FBXO22: variants seen among roughly 807,000 people sequenced by gnomAD.
The protein encoded by FBXO22 is F-box only protein 22.
Under a neutral mutation model 37.2 loss-of-function variants are expected in FBXO22, and 13 were observed. The ratio of observed to expected loss-of-function variants is 0.35; its 90% CI spans 0.23 to 0.56. FBXO22 has a LOEUF of 0.56. Ranked by LOEUF, FBXO22 falls within the 20% of genes least tolerant of loss-of-function variation. The pLI is 0.87. For synonymous variants in FBXO22, 189 were observed against 189.1 expected, an observed-to-expected ratio of 1.00 and a Z score of 0.00; for missense variants, 446 against 509.9, an observed-to-expected ratio of 0.87 and a Z score of 1.21.
chr15:75,913,328 T>A (rs1900110253), intron 3 of FBXO22, 38 bp downstream of exon 3: 1 of 1,393,320 alleles, frequency 7.2e-7, no homozygotes, highest in South Asian at 1.2e-5. Context: ...TCTGTTTTTT[T>A]ATCATGTGCC....
At chr15:75,911,210 T>G (rs148602140) in intron 2 of FBXO22, among the ~76,000 whole-genome samples, 79 of 152,344 alleles carry the variant, frequency 5.2e-4, no homozygotes, top group Admixed American at 8.5e-4. Context: ...TGCCTCCAGC[T>G]TTTTTCTTTT....
intron 6 of FBXO22, 127 bp from the exon 7 acceptor site, chr15:75,932,558 T>A: frequency 1.2e-6 from 1 of 835,042 alleles, no homozygotes; most frequent in Non-Finnish European, 1.9e-6. Flanking sequence ...CCTATGAGGG[T>A]GAGCCTCAGA....
In FBXO22 at chr15:75,904,087, T is replaced by C. The variant is rs1462478252; in HGVS notation, c.124T>C (p.Leu42=). 3 of 1,545,810 alleles carry C rather than the reference T, an allele frequency of 1.9e-6. No homozygotes were observed. Among genetic ancestry groups the C allele is most frequent in the Non-Finnish European group, 2.6e-6 (3 of 1,143,456 alleles). Residue 42 remains leucine, a synonymous_variant, in exon 1 of 7, where the codon TTG becomes CTG. Transcript: ENST00000308275. ...GCTCACCTTCCTGCCCGCCAAGGCG[T>C]TGCTGCGGGTGGCCTGGTGAGGAGA... is the stretch of plus-strand genomic sequence containing the variant. ...RVLTFLPAKA[L]LRVACVCRLW...
intron 6 of FBXO22, among the ~76,000 whole-genome samples, chr15:75,931,402 A>G (rs2030006318): frequency 6.6e-6 from 1 of 152,182 alleles, no homozygotes; most frequent in Non-Finnish European, 1.5e-5. Flanking sequence ...AGATAACCCA[A>G]CTGACCCAGT....
chr15:75,904,275 CG>C, intron 1 of FBXO22, 172 bp downstream of exon 1: 5 of 1,132,046 alleles, frequency 4.4e-6, no homozygotes, highest in Non-Finnish European at 6.1e-6. Context: ...CGTGGTGCCC[CG>C]GGGGGACTTC....
Position 75,937,499 on chromosome 15 carries a change from A to T in FBXO22, c.*4397A>T, listed in dbSNP as rs1202837487. ...ACTCCAGCCTGGGCAATGGAGCAAGACTCTGTCTCAAAAAAAAAAAAAAAA... is the reference window on the plus strand; with the variant it reads ...ACTCCAGCCTGGGCAATGGAGCAAGTCTCTGTCTCAAAAAAAAAAAAAAAA... On this transcript the variant is annotated 3_prime_UTR_variant, in exon 7 of 7. Transcript: ENST00000308275. 4.6e-5 allele frequency: 5 copies of T among 108,592 alleles called. No homozygotes were observed. Among genetic ancestry groups the T allele is most frequent in the Non-Finnish European group, 1.7e-5 (1 of 57,394 alleles). The allele number at this position is 108,592 out of a possible 1,614,324, so 6.7% of individuals were successfully genotyped here. A position where few individuals can be genotyped will look rare whatever the true frequency, so the allele number is the denominator to read the frequency against.
chr15:75,929,427 A>G (rs1327448762), intron 5 of FBXO22, among the ~76,000 whole-genome samples: 1 of 152,034 alleles, frequency 6.6e-6, no homozygotes, highest in African/African-American at 2.4e-5. Flanking sequence ...TCACCACACT[A>G]TAAGTGGTTA....
Position 75,926,107 on chromosome 15 carries a change from T to C in FBXO22, c.629-3777T>C, listed in dbSNP as rs183994056. ...CTGTTTAAAGTGCCTTATAAATACTTTTCTGGAATTGTTTTTAATGGTTGT... is the reference window on the plus strand; with the variant it reads ...CTGTTTAAAGTGCCTTATAAATACTCTTCTGGAATTGTTTTTAATGGTTGT... On this transcript the variant is annotated intron_variant, in intron 5 of 6. Coordinates refer to ENST00000308275, the MANE Select transcript of FBXO22 (RefSeq NM_147188.3). Among the ~76,000 whole-genome samples, 62 of 152,314 alleles carry C rather than the reference T, an allele frequency of 4.1e-4. No homozygotes were observed. In the East Asian group the frequency reaches 0.011, roughly 27 times the overall value.
chr15:75,923,773 T>A (rs1051551623), intron 5 of FBXO22, among the ~76,000 whole-genome samples: 20 of 152,264 alleles, frequency 1.3e-4, no homozygotes, highest in East Asian at 3.9e-4. Context: ...TAATTTTTTT[T>A]AAAAAGTATA....
chr15:75,932,664 C>A (rs371567157), intron 6 of FBXO22, 21 bp from the exon 7 acceptor site: 191 of 1,551,516 alleles, frequency 1.2e-4, no homozygotes, highest in Non-Finnish European at 1.6e-4. Flanking sequence ...TGAGATATTG[C>A]CACTTTTCTA....
intron 5 of FBXO22, among the ~76,000 whole-genome samples, chr15:75,925,669 T>TA (rs1400307413): frequency 1.5e-5 from 1 of 67,900 alleles, no homozygotes; most frequent in East Asian, 4.4e-4. Context: ...GACAGGAAGC[T>TA]AGTGTTAAAA....
chr15:75,930,638 T>TA (rs1250293715), intron 6 of FBXO22: 2 of 985,516 alleles, frequency 2.0e-6, no homozygotes, highest in Non-Finnish European at 2.4e-6. Context: ...CTTTCAAAGA[T>TA]AAAAATATTT....
chr15:75,917,850 C>T (rs1900222919), intron 5 of FBXO22, among the ~76,000 whole-genome samples: 1 of 151,978 alleles, frequency 6.6e-6, no homozygotes, highest in African/African-American at 2.4e-5. Flanking sequence ...GTAAAGTGAC[C>T]CTGATGAGTC....
rs1329835500 is a variant in FBXO22, at chr15:75,935,795, T to A, written c.*2693T>A. The A allele has an allele frequency of 6.6e-6, 1 of 152,048 alleles. No homozygotes were observed. Among genetic ancestry groups the A allele is most frequent in the South Asian group, 2.1e-4 (1 of 4,816 alleles). 9.4% of individuals were successfully genotyped at this position (152,048 alleles called of 1,614,324 possible). ...TAAACTTTTACAAATCTGAGAACTT[T>A]CTTTTTTTTTGAGACGGAGTCCCGC... On this transcript the variant is annotated 3_prime_UTR_variant, in exon 7 of 7. Coordinates refer to ENST00000308275, the MANE Select transcript of FBXO22 (RefSeq NM_147188.3).
chr15:75,904,171 G>T, intron 1 of FBXO22, 68 bp downstream of exon 1: 1 of 1,473,768 alleles, frequency 6.8e-7, no homozygotes, highest in South Asian at 1.3e-5. Context: ...CAGGCTGGCG[G>T]GGTGGGGGGA....
rs374719379 is a variant in FBXO22 at position 75,905,351 on chromosome 15, A to G, written c.279+722A>G. Among the ~76,000 whole-genome samples, 13 of 152,140 alleles carry G rather than the reference A, an allele frequency of 8.5e-5. 1 individual carries two copies. The highest frequency in any genetic ancestry group is 3.1e-4 in the African/African-American group (13 of 41,412). Reference sequence around the variant, plus strand: ...TTTGCTTCTCTGGCCCCCAACTTCAAAAGGGGAGCCAACACCAGGAGAGAT... The same window carrying G: ...TTTGCTTCTCTGGCCCCCAACTTCAGAAGGGGAGCCAACACCAGGAGAGAT... On this transcript the variant is annotated intron_variant, in intron 2 of 6. Transcript: ENST00000308275.
Position 75,932,775 on chromosome 15 carries a change from C to T in FBXO22, c.885C>T (p.Asp295=), listed in dbSNP as rs935194643. 10 of 1,614,114 alleles carry T rather than the reference C, an allele frequency of 6.2e-6. No homozygotes were observed. The highest frequency in any genetic ancestry group is 2.2e-5 in the East Asian group (1 of 44,906). ...IQSATVLLNE[D]VSDEKTAEAA... ...GTGCCACTGTGCTCCTCAACGAGGA[C>T]GTCAGTGATGAGAAGACTGCTGAGG... Residue 295 remains aspartate, a synonymous_variant, in exon 7 of 7, where the codon GAC becomes GAT. Coordinates refer to ENST00000308275, the MANE Select transcript of FBXO22 (RefSeq NM_147188.3).
chr15:75,941,484 TGCA>T lies in FBXO22; in HGVS notation c.*8386_*8388del, dbSNP rs1223343363. The stretch of plus-strand genomic sequence containing the variant: ...GGTATATTTGTATACCAGTGTTCAC[TGCA>T]GCATTATTCACCGTAGTCAAAAGGT... On this transcript the variant is annotated 3_prime_UTR_variant, in exon 7 of 7. Transcript: ENST00000308275. The T allele has an allele frequency of 4.6e-5, 7 of 152,212 alleles. No homozygotes were observed. Among genetic ancestry groups the T allele is most frequent in the African/African-American group, 1.7e-4 (7 of 41,456 alleles). The allele number at this position is 152,212 out of a possible 1,614,324, so 9.4% of individuals were successfully genotyped here.
chr15:75,911,896 G>T (rs1164606428), intron 2 of FBXO22, among the ~76,000 whole-genome samples: 1 of 147,592 alleles, frequency 6.8e-6, no homozygotes, highest in East Asian at 2.0e-4. Context: ...TACTGGCTGT[G>T]GGTTTGTCAT....
Sources: gnomAD v4.1 joint callset for allele counts (sites outside exome capture counted in the v4.1 genomes callset) on GRCh38, gnomAD v4.1.1 for gene constraint, MANE v1.5 for transcripts, NCBI Gene and HGNC (gene_info 2026-07-23, HGNC 2026-07-21) for gene names.